Variants in PRDM16 observed in about 807,000 individuals in gnomAD.
PRDM16 encodes histone-lysine N-methyltransferase PRDM16.
A neutral mutation model predicts 110.6 loss-of-function variants in PRDM16; 23 were observed. The ratio of observed to expected loss-of-function variants is 0.21; its 90% CI spans 0.15 to 0.29. The LOEUF (loss-of-function observed/expected upper bound fraction) is 0.29, where lower values mean the gene tolerates loss of function less well. Ranked by LOEUF, PRDM16 falls within the 10% of genes least tolerant of loss-of-function variation. The pLI is 1.00. For synonymous variants in PRDM16, 799 were observed against 781.8 expected, an observed-to-expected ratio of 1.02 and a Z score of -0.37; for missense variants, 1,615 against 1,794.3, an observed-to-expected ratio of 0.90 and a Z score of 1.81.
intron 3 of PRDM16, among the ~76,000 whole-genome samples, chr1:3,371,890 A>G (rs1569595433): frequency 6.6e-6 from 1 of 152,184 alleles, no homozygotes; most frequent in Non-Finnish European, 1.5e-5. Flanking sequence ...GAGGGTGGCT[A>G]CCCCTGGGGG....
At position 3,201,852 on chromosome 1, in the gene PRDM16, G is replaced by A. The variant is rs920251039; in HGVS notation, c.387+15378G>A. On this transcript the variant is annotated intron_variant, in intron 2 of 16. Transcript: ENST00000270722. The surrounding 1 kb of genome is among the most constrained non-coding windows in gnomAD (Gnocchi z 4.1). ...CTTCTGTGTCCACTGCAGAGCCTGC[G>A]GCTTCCCAGATCCCACATGAGCTTA... is the stretch of plus-strand genomic sequence containing the variant. Among the ~76,000 whole-genome samples, 5 of 152,326 alleles carry A rather than the reference G, an allele frequency of 3.3e-5. No individual in the cohort carries two copies. The highest frequency in any genetic ancestry group is 2.1e-4 in the South Asian group (1 of 4,824).
rs368623445 is a variant in PRDM16, at chr1:3,431,151, G to A, written c.3521+43G>A. 1.3e-4 allele frequency: 205 copies of A among 1,535,432 alleles called. No homozygotes were observed. In the Middle Eastern group the frequency reaches 1.6e-3, roughly 12 times the overall value. On this transcript the variant is annotated intron_variant, in intron 15 of 16. Coordinates refer to ENST00000270722, the MANE Select transcript of PRDM16 (RefSeq NM_022114.4). ...CTCCAGGATGGGGCAGGGAGGGAAC[G>A]TGGGCGTCCATCACGAGGGGGACCT...
At position 3,175,129 on chromosome 1, in the gene PRDM16, C is replaced by T. The variant is rs1229521842; in HGVS notation, c.38-10996C>T. 6.6e-6 allele frequency among the ~76,000 whole-genome samples: 1 copy of T among 152,102 alleles called. No individual in the cohort carries two copies. Among genetic ancestry groups the T allele is most frequent in the African/African-American group, 2.4e-5 (1 of 41,418 alleles). ...CTTGTCTCAAAGCCAAGATCCAGGGCGAGGGGAGAAGCTATTGCCTTTACC... is the reference window on the plus strand; with the variant it reads ...CTTGTCTCAAAGCCAAGATCCAGGGTGAGGGGAGAAGCTATTGCCTTTACC... On this transcript the variant is annotated intron_variant, in intron 1 of 16. Coordinates refer to ENST00000270722, the MANE Select transcript of PRDM16 (RefSeq NM_022114.4). This position sits in a 1 kb window ranked among gnomAD's most constrained non-coding sequence, Gnocchi z 4.8.
At chr1:3,240,720 G>C (rs1032821428) in intron 2 of PRDM16, among the ~76,000 whole-genome samples, 2 of 152,236 alleles carry the variant, frequency 1.3e-5, no homozygotes, top group African/African-American at 2.4e-5. Context: ...AGCCCCCCTG[G>C]GGCGGCGCCA....
intron 3 of PRDM16, among the ~76,000 whole-genome samples, chr1:3,320,312 A>G (rs1261702437): frequency 1.3e-5 from 2 of 152,206 alleles, no homozygotes; most frequent in Non-Finnish European, 2.9e-5. Context: ...ACTCAAGAGT[A>G]GATGTGTGTG....
chr1:3,363,320 C>T (rs914366841), intron 3 of PRDM16, among the ~76,000 whole-genome samples: 1 of 152,190 alleles, frequency 6.6e-6, no homozygotes, highest in African/African-American at 2.4e-5. Context: ...AGCAGCGTCC[C>T]ACATGAGATG....
chr1:3,194,353 C>T (rs1004630401), intron 2 of PRDM16, among the ~76,000 whole-genome samples: 2 of 152,212 alleles, frequency 1.3e-5, no homozygotes, highest in Non-Finnish European at 2.9e-5. Context: ...CTGAGCCCCG[C>T]CATAAGCCCT....
intron 3 of PRDM16, among the ~76,000 whole-genome samples, chr1:3,304,300 G>C (rs1641265175): frequency 6.6e-6 from 1 of 152,220 alleles, no homozygotes; most frequent in African/African-American, 2.4e-5. Context: ...CCCCAGCCAA[G>C]CCCTGCAGTC....
chr1:3,269,694 G>A (rs1640387515), intron 3 of PRDM16, among the ~76,000 whole-genome samples: 1 of 86,814 alleles, frequency 1.2e-5, no homozygotes, highest in Non-Finnish European at 2.0e-5. Flanking sequence ...TTGGGAGAAG[G>A]ACAGTCAGGA....
At chr1:3,105,699 G>A (rs1046036499) in intron 1 of PRDM16, among the ~76,000 whole-genome samples, 1 of 152,232 alleles carries the variant, frequency 6.6e-6, no homozygotes. Context: ...GCCTCCCGCA[G>A]TAATTACATT....
chr1:3,410,810 G>A (rs1643672026), intron 8 of PRDM16, among the ~76,000 whole-genome samples: 1 of 152,200 alleles, frequency 6.6e-6, no homozygotes, highest in Non-Finnish European at 1.5e-5. Flanking sequence ...TGATGGAGTG[G>A]CAGACACCAT....
At chr1:3,323,064 C>T (rs1001180344) in intron 3 of PRDM16, among the ~76,000 whole-genome samples, 19 of 152,314 alleles carry the variant, frequency 1.2e-4, no homozygotes, top group Admixed American at 1.0e-3. Flanking sequence ...CAGAGCAGCC[C>T]GTTTCATGTT....
chr1:3,142,667 C>T (rs751123376), intron 1 of PRDM16, among the ~76,000 whole-genome samples: 1 of 152,144 alleles, frequency 6.6e-6, no homozygotes, highest in African/African-American at 2.4e-5. Context: ...GGCAACGGAA[C>T]GCCTGGGATT....
chr1:3,150,879 TGGTCCTAGAGCTATGGAAACGGG>T (rs1284554753), intron 1 of PRDM16, among the ~76,000 whole-genome samples: 1 of 133,326 alleles, frequency 7.5e-6, no homozygotes, highest in South Asian at 2.7e-4. Context: ...GCGGGGGGGC[TGGTCCTAGAGCTATGGAAACGGG>T]GGGGCTGGTC....
At chr1:3,141,807 C>T (rs923318792) in intron 1 of PRDM16, among the ~76,000 whole-genome samples, 3 of 152,244 alleles carry the variant, frequency 2.0e-5, no homozygotes, top group Admixed American at 2.0e-4. Flanking sequence ...AGCATAGATG[C>T]ATTCTCACTG....
intron 3 of PRDM16, among the ~76,000 whole-genome samples, chr1:3,302,795 C>G (rs762952363): frequency 6.6e-6 from 1 of 152,116 alleles, no homozygotes; most frequent in Non-Finnish European, 1.5e-5. Context: ...GGTCACAGTG[C>G]GAGAGCTGAG....
chr1:3,298,139 G>C (rs1406161747), intron 3 of PRDM16, among the ~76,000 whole-genome samples: 4 of 152,264 alleles, frequency 2.6e-5, no homozygotes, highest in African/African-American at 9.6e-5. Flanking sequence ...TCTGGGGCTT[G>C]GGAATACGTG....
Position 3,084,050 on chromosome 1 carries a change from C to T in PRDM16, c.37+14754C>T, listed in dbSNP as rs138461891. Among the ~76,000 whole-genome samples, 354 of 152,366 alleles carry T rather than the reference C, an allele frequency of 2.3e-3. 1 individual carries two copies. The highest frequency in any genetic ancestry group is 7.6e-3 in the African/African-American group (316 of 41,586). On this transcript the variant is annotated intron_variant, in intron 1 of 16. Transcript: ENST00000270722. ...GTCCCTGGGTCTTGGCAGACCCACA[C>T]GCTTGTGGAGGGAGCGAGAGGAGAG...
At chr1:3,147,843 G>A (rs1643705219) in intron 1 of PRDM16, among the ~76,000 whole-genome samples, 2 of 152,316 alleles carry the variant, frequency 1.3e-5, no homozygotes, top group East Asian at 1.9e-4. Flanking sequence ...TCCAGGCCAT[G>A]GGGCAGGCTG....
Sources: gnomAD v4.1 joint callset for allele counts (sites outside exome capture counted in the v4.1 genomes callset) on GRCh38, gnomAD v4.1.1 for gene constraint, Gnocchi (gnomAD v3.1) non-coding constraint, MANE v1.5 for transcripts, NCBI Gene and HGNC (gene_info 2026-07-23, HGNC 2026-07-21) for gene names.